The following EIF2AK1 variants were observed in gnomAD, a reference collection of about 807,000 sequenced individuals.
The protein encoded by EIF2AK1 is eukaryotic translation initiation factor 2 alpha kinase 1, also known as eukaryotic translation initiation factor 2-alpha kinase 1.
EIF2AK1 carries 54 observed loss-of-function variants against 77.9 expected under a neutral mutation model. The observed-to-expected ratio is 0.69, with a 90% CI of 0.56 to 0.87. The LOEUF (loss-of-function observed/expected upper bound fraction) is 0.87, where lower values mean the gene tolerates loss of function less well. EIF2AK1 is among the 40% of genes least tolerant of loss of function. EIF2AK1 has a pLI of 0.00. For missense variants in EIF2AK1, 810 were observed against 768.6 expected (o/e 1.05, Z -0.64); for synonymous variants, 314 against 290.5 (o/e 1.08, Z -0.82).
At position 6,054,624 on chromosome 7, in the gene EIF2AK1, G is replaced by A. The variant is rs768277813; in HGVS notation, c.199C>T (p.Leu67Phe). ...PTFPFAVANQ[L>F]LLVSLLEHLS... ...TGCTCCAGCAAAGAAACCAGCAAGA[G>A]TTGGTTTGCAACTGCAAAAGGGAAG... The change falls in exon 2 of 15, where the codon CTC (leucine) becomes TTC (phenylalanine). Residue 67 changes from leucine to phenylalanine, a missense_variant. Leu to Phe is a conservative substitution (Grantham distance 22). Around this residue, in one of 3 missense-constraint regions of EIF2AK1, gnomAD observed 246 missense variants for 199.0 expected, o/e 1.24. Coordinates refer to ENST00000199389, the MANE Select transcript of EIF2AK1 (RefSeq NM_014413.4). 2 of 1,614,084 alleles carry A rather than the reference G, an allele frequency of 1.2e-6. No individual in the cohort carries two copies. Among genetic ancestry groups the A allele is most frequent in the African/African-American group, 2.7e-5 (2 of 74,938 alleles).
At position 6,024,362 on chromosome 7, in the gene EIF2AK1, A is replaced by G. The variant is rs1787677016; in HGVS notation, c.*311T>C. 1 of 1,178,254 alleles carries G rather than the reference A, an allele frequency of 8.5e-7. No homozygotes were observed. The allele number at this position is 1,178,254 out of a possible 1,614,324, so 73.0% of individuals were successfully genotyped here. A position where few individuals can be genotyped will look rare whatever the true frequency, so the allele number is the denominator to read the frequency against. On this transcript the variant is annotated 3_prime_UTR_variant, in exon 15 of 15. Coordinates refer to ENST00000199389, the MANE Select transcript of EIF2AK1 (RefSeq NM_014413.4). ...GCAGTGACGAGGGCAGGGAGCACAC[A>G]TCAATTTCTGCGGTACCTTCTAGAG... is the stretch of plus-strand genomic sequence containing the variant.
In EIF2AK1 at chr7:6,057,211, C is replaced by T. The variant is rs1286278367; in HGVS notation, c.118+1755G>A. ...GCAGTGGCACGATCTCAGCTCACTG[C>T]AACCTCTGCCTCCCGGACGACCCCA... On this transcript the variant is annotated intron_variant, in intron 1 of 14. Coordinates refer to ENST00000199389, the MANE Select transcript of EIF2AK1 (RefSeq NM_014413.4). Among the ~76,000 whole-genome samples the T allele has an allele frequency of 2.8e-5, 4 of 145,020 alleles. No individual in the cohort carries two copies. In the East Asian group the frequency reaches 8.1e-4, roughly 29 times the overall value.
In EIF2AK1 at chr7:6,035,214, T is replaced by C. The variant is rs1226298458; in HGVS notation, c.1332+2210A>G. On this transcript the variant is annotated intron_variant, in intron 11 of 14. Transcript: ENST00000199389. This position sits in a 1 kb window ranked among gnomAD's most constrained non-coding sequence, Gnocchi z 5.5. ...ATTTTTCAAAAAAAAAAATTATATA[T>C]ACATAAAATGAAGCTAGGCCCCATC... 6.6e-6 allele frequency among the ~76,000 whole-genome samples: 1 copy of C among 151,998 alleles called. No individual in the cohort carries two copies. The highest frequency in any genetic ancestry group is 2.4e-5 in the African/African-American group (1 of 41,348).
intron 14 of EIF2AK1, 112 bp downstream of exon 14, chr7:6,026,616 A>G (rs1787754140): frequency 6.0e-6 from 5 of 826,888 alleles, no homozygotes; most frequent in Non-Finnish European, 1.0e-5. Context: ...CAGAACCATC[A>G]TCTGGCTCTT....
intron 1 of EIF2AK1, among the ~76,000 whole-genome samples, chr7:6,055,607 C>T (rs759280771): frequency 8.0e-5 from 12 of 149,282 alleles, no homozygotes; most frequent in Non-Finnish European, 1.2e-4. Flanking sequence ...TGCAGACAGA[C>T]GAGTTGGCAC....
Position 6,028,599 on chromosome 7 carries a change from A to G in EIF2AK1, c.1530+16T>C. 1 of 1,613,432 alleles carries G rather than the reference A, an allele frequency of 6.2e-7. No individual in the cohort carries two copies. Among genetic ancestry groups the G allele is most frequent in the Non-Finnish European group, 8.5e-7 (1 of 1,179,366 alleles). On this transcript the variant is annotated intron_variant, in intron 13 of 14. Coordinates refer to ENST00000199389, the MANE Select transcript of EIF2AK1 (RefSeq NM_014413.4). ...AGAATAAGTTGAATGAAAGGGCAGA[A>G]AGCAACAAATACTACCTTGGCATCA...
intron 11 of EIF2AK1, among the ~76,000 whole-genome samples, chr7:6,029,493 C>T (rs74494489): frequency 7.4e-6 from 1 of 134,372 alleles, no homozygotes; most frequent in Non-Finnish European, 1.6e-5. Flanking sequence ...AACCCTGTCT[C>T]AAAAAAAAAA....
Position 6,022,892 on chromosome 7 carries a change from G to A in EIF2AK1, c.*1781C>T. The A allele has an allele frequency of 5.5e-6, 1 of 180,450 alleles. No individual in the cohort carries two copies. 11.2% of individuals were successfully genotyped at this position (180,450 alleles called of 1,614,324 possible). A position where few individuals can be genotyped will look rare whatever the true frequency, so the allele number is the denominator to read the frequency against. Reference sequence around the variant, plus strand: ...TGCCTCTTCTGGTTTATGTTGATATGGAGATAAGCGAGTTCATGTCATTCA... The same window carrying A: ...TGCCTCTTCTGGTTTATGTTGATATAGAGATAAGCGAGTTCATGTCATTCA... On this transcript the variant is annotated 3_prime_UTR_variant, in exon 15 of 15. Transcript: ENST00000199389.
chr7:6,042,038 A>AAGGT (rs1788313843), intron 8 of EIF2AK1, among the ~76,000 whole-genome samples: 1 of 152,024 alleles, frequency 6.6e-6, no homozygotes, highest in Non-Finnish European at 1.5e-5. Context: ...AGTCCCAGCT[A>AAGGT]CTCAGGCAGC....
At position 6,024,350 on chromosome 7, in the gene EIF2AK1, CAGGG is replaced by C. The variant is rs1749842237; in HGVS notation, c.*319_*322del. ...GCCCGGGCTTGGGCAGTGACGAGGGCAGGGAGCACACATCAATTTCTGCGGTACC... is the reference window on the plus strand; with the variant it reads ...GCCCGGGCTTGGGCAGTGACGAGGGCAGCACACATCAATTTCTGCGGTACC... On this transcript the variant is annotated 3_prime_UTR_variant, in exon 15 of 15. Coordinates refer to ENST00000199389, the MANE Select transcript of EIF2AK1 (RefSeq NM_014413.4). 2.5e-6 allele frequency: 3 copies of C among 1,218,796 alleles called. No homozygotes were observed. Among genetic ancestry groups the C allele is most frequent in the Non-Finnish European group, 3.1e-6 (3 of 971,554 alleles). 75.5% of individuals were successfully genotyped at this position (1,218,796 alleles called of 1,614,324 possible). A position where few individuals can be genotyped will look rare whatever the true frequency, so the allele number is the denominator to read the frequency against.
At position 6,024,195 on chromosome 7, in the gene EIF2AK1, C is replaced by G; in HGVS notation, c.*478G>C. ...AGAAGTTGAGCTTTTATCTTAGAGG[C>G]AGCAGAAGGTTTGGAGCCAAGGAAT... On this transcript the variant is annotated 3_prime_UTR_variant, in exon 15 of 15. Transcript: ENST00000199389. 1 of 1,250,148 alleles carries G rather than the reference C, an allele frequency of 8.0e-7. No homozygotes were observed. Among genetic ancestry groups the G allele is most frequent in the Non-Finnish European group, 1.0e-6 (1 of 969,136 alleles). 77.4% of individuals were successfully genotyped at this position (1,250,148 alleles called of 1,614,324 possible). A position where few individuals can be genotyped will look rare whatever the true frequency, so the allele number is the denominator to read the frequency against.
chr7:6,055,689 A>G (rs1038563258), intron 1 of EIF2AK1, among the ~76,000 whole-genome samples: 1 of 151,706 alleles, frequency 6.6e-6, no homozygotes, highest in East Asian at 1.9e-4. Flanking sequence ...AAAAAAAAAA[A>G]AAAAAACCTA....
intron 11 of EIF2AK1, among the ~76,000 whole-genome samples, chr7:6,034,168 G>A (rs929683154): frequency 4.6e-5 from 7 of 151,826 alleles, no homozygotes; most frequent in African/African-American, 1.2e-4. Context: ...CTAGCCAGGC[G>A]TGGTGGCGGG....
At chr7:6,044,357 G>C (rs1562753117) in intron 7 of EIF2AK1, among the ~76,000 whole-genome samples, 1 of 151,898 alleles carries the variant, frequency 6.6e-6, no homozygotes, top group African/African-American at 2.4e-5. Context: ...TGTAGCCCCA[G>C]CTACTCAGGA....
At chr7:6,050,068 T>C in intron 2 of EIF2AK1, 23 bp from the exon 3 acceptor site, 15 of 1,580,356 alleles carry the variant, frequency 9.5e-6, no homozygotes, top group Non-Finnish European at 1.3e-5. Context: ...TATGAAAAAC[T>C]ATTATTAGAA....
At chr7:6,045,354 C>T (rs534665624) in intron 6 of EIF2AK1, among the ~76,000 whole-genome samples, 25 of 152,252 alleles carry the variant, frequency 1.6e-4, no homozygotes, top group African/African-American at 6.0e-4. Flanking sequence ...GATCTGCCTG[C>T]CTTCGCCTCC....
chr7:6,025,114 C>T (rs1424428253), intron 14 of EIF2AK1, among the ~76,000 whole-genome samples: 7 of 152,166 alleles, frequency 4.6e-5, no homozygotes, highest in African/African-American at 1.4e-4. Flanking sequence ...GCTGGAATTA[C>T]AGGTGTGAGC....
chr7:6,042,648 C>T (rs1481105450), intron 8 of EIF2AK1, among the ~76,000 whole-genome samples: 1 of 152,064 alleles, frequency 6.6e-6, no homozygotes, highest in East Asian at 1.9e-4. Flanking sequence ...GGGCACATCA[C>T]GAGGCCAGGA....
chr7:6,041,927 T>C (rs62456204), intron 8 of EIF2AK1, among the ~76,000 whole-genome samples: 32,888 of 149,730 alleles, frequency 0.22, 3,848 homozygotes, highest in Middle Eastern at 0.35. Flanking sequence ...GGCGGGAGGA[T>C]TGCTTGAGCC....
Sources: allele counts gnomAD v4.1 joint callset (sites outside exome capture counted in the v4.1 genomes callset), GRCh38; gene constraint gnomAD v4.1.1; regional missense constraint gnomAD v4.1.1; non-coding constraint Gnocchi (gnomAD v3.1); transcripts MANE v1.5; gene names NCBI Gene and HGNC (gene_info 2026-07-23, HGNC 2026-07-21).